The following RCOR3 variants were observed in gnomAD, a reference collection of about 807,000 sequenced individuals.
RCOR3 encodes REST corepressor 3.
RCOR3 carries 13 observed loss-of-function variants against 64.1 expected under a neutral mutation model. The ratio of observed to expected loss-of-function variants is 0.20; its 90% CI spans 0.13 to 0.32. RCOR3 has a LOEUF of 0.32. Ranked by LOEUF, RCOR3 falls within the 10% of genes least tolerant of loss-of-function variation. RCOR3 has a pLI of 1.00. For synonymous variants in RCOR3, 215 were observed against 239.0 expected, an observed-to-expected ratio of 0.90 and a Z score of 0.93; for missense variants, 489 against 701.2, an observed-to-expected ratio of 0.70 and a Z score of 3.42.
intron 8 of RCOR3, among the ~76,000 whole-genome samples, chr1:211,295,044 ATT>A (rs67407386): frequency 2.3e-5 from 1 of 44,388 alleles, no homozygotes; most frequent in African/African-American, 8.2e-5. Context: ...TGACCAGCTA[ATT>A]TTTTTTTTTT....
At chr1:211,307,125 A>G (rs766477303) in intron 10 of RCOR3, among the ~76,000 whole-genome samples, 29 of 152,190 alleles carry the variant, frequency 1.9e-4, no homozygotes, top group Non-Finnish European at 3.8e-4. Context: ...TTTCTAACCT[A>G]TAATGCTTTT....
intron 10 of RCOR3, among the ~76,000 whole-genome samples, chr1:211,305,347 TTTAG>T (rs1324154172): frequency 4.6e-5 from 7 of 152,290 alleles, no homozygotes; most frequent in East Asian, 3.9e-4. Context: ...CAAAACAAGG[TTTAG>T]TTAGTTCATA....
intron 7 of RCOR3, among the ~76,000 whole-genome samples, chr1:211,285,968 T>TA (rs1698465044): frequency 6.6e-6 from 1 of 152,222 alleles, no homozygotes; most frequent in South Asian, 2.1e-4. Flanking sequence ...TTTTATCTGT[T>TA]ATGTTGATAG....
chr1:211,270,263 ATG>A (rs1044009007), intron 2 of RCOR3, among the ~76,000 whole-genome samples: 74 of 152,096 alleles, frequency 4.9e-4, no homozygotes, highest in African/African-American at 1.6e-3. Flanking sequence ...GGATTTCACT[ATG>A]TAGGCCAGGC....
chr1:211,293,091 A>AAATG (rs1455888726), intron 8 of RCOR3, among the ~76,000 whole-genome samples: 4 of 139,608 alleles, frequency 2.9e-5, no homozygotes, highest in African/African-American at 5.1e-5. Context: ...CTCCAAAAAT[A>AAATG]AATAAATAAA....
chr1:211,292,656 C>T (rs554147777), intron 8 of RCOR3, among the ~76,000 whole-genome samples: 1 of 152,148 alleles, frequency 6.6e-6, no homozygotes, highest in Admixed American at 6.5e-5. Context: ...AAACTGAGTT[C>T]TTCCACACTC....
chr1:211,263,579 T>C (rs1694724780), intron 2 of RCOR3, among the ~76,000 whole-genome samples: 1 of 152,172 alleles, frequency 6.6e-6, no homozygotes, highest in East Asian at 1.9e-4. Context: ...CATTTAAACT[T>C]AGGAGGGCTT....
chr1:211,295,259 A>G (rs1699747957), intron 8 of RCOR3, among the ~76,000 whole-genome samples: 1 of 152,082 alleles, frequency 6.6e-6, no homozygotes, highest in African/African-American at 2.4e-5. Flanking sequence ...TATTACATAT[A>G]AAGGACTGAG....
intron 10 of RCOR3, among the ~76,000 whole-genome samples, chr1:211,311,004 A>G (rs1162994479): frequency 1.3e-5 from 2 of 152,190 alleles, no homozygotes; most frequent in East Asian, 3.8e-4. Flanking sequence ...GCAAACTCAA[A>G]TTTAGAATTT....
intron 9 of RCOR3, chr1:211,301,868 C>T (rs933470003): frequency 6.6e-6 from 1 of 152,070 alleles, no homozygotes; most frequent in African/African-American, 2.4e-5. Flanking sequence ...ATTAATGATA[C>T]CTTTCCCTCC....
chr1:211,259,505 G>T lies in RCOR3; in HGVS notation c.-56G>T. Reference sequence around the variant, plus strand: ...CCCGCCCGCGCTCTAAGCCATCTCCGCCTTCACCCTGACGCCTGCCTCTTC... The same window carrying T: ...CCCGCCCGCGCTCTAAGCCATCTCCTCCTTCACCCTGACGCCTGCCTCTTC... On this transcript the variant is annotated 5_prime_UTR_variant, in exon 1 of 12. Coordinates refer to ENST00000419091, the MANE Select transcript of RCOR3 (RefSeq NM_001136223.3). 2 of 1,504,112 alleles carry T rather than the reference G, an allele frequency of 1.3e-6. No individual in the cohort carries two copies. The highest frequency in any genetic ancestry group is 1.8e-6 in the Non-Finnish European group (2 of 1,122,594). The allele number at this position is 1,504,112 out of a possible 1,614,324, so 93.2% of individuals were successfully genotyped here. A position where few individuals can be genotyped will look rare whatever the true frequency, so the allele number is the denominator to read the frequency against.
At chr1:211,261,568 C>T (rs1195266422) in intron 2 of RCOR3, among the ~76,000 whole-genome samples, 1 of 152,138 alleles carries the variant, frequency 6.6e-6, no homozygotes, top group Non-Finnish European at 1.5e-5. Flanking sequence ...GGCACTTTCA[C>T]ACCACTCTGC....
chr1:211,261,835 C>T (rs1237392748), intron 2 of RCOR3, among the ~76,000 whole-genome samples: 2 of 137,372 alleles, frequency 1.5e-5, no homozygotes, highest in African/African-American at 5.4e-5. Context: ...GCAGGAGAAT[C>T]ATTGCTTGAA....
intron 8 of RCOR3, chr1:211,291,611 G>A: frequency 2.2e-6 from 1 of 455,900 alleles, no homozygotes; most frequent in South Asian, 1.6e-5. Context: ...TAAGAACCTT[G>A]CAACAGTATA....
chr1:211,299,061 A>G (rs1700123628), intron 9 of RCOR3, among the ~76,000 whole-genome samples: 1 of 152,128 alleles, frequency 6.6e-6, no homozygotes, highest in Admixed American at 6.6e-5. Flanking sequence ...AAATTAAGTC[A>G]AATGGAAAGA....
At chr1:211,264,685 A>G (rs531055591) in intron 2 of RCOR3, among the ~76,000 whole-genome samples, 1 of 152,304 alleles carries the variant, frequency 6.6e-6, no homozygotes, top group Non-Finnish European at 1.5e-5. Flanking sequence ...CTTGGTCTCA[A>G]AAAAAGAAAG....
intron 7 of RCOR3, among the ~76,000 whole-genome samples, chr1:211,280,626 T>C (rs980267507): frequency 2.0e-5 from 3 of 152,210 alleles, no homozygotes; most frequent in African/African-American, 4.8e-5. Context: ...CAGTTATCCT[T>C]TGTCTTTCGC....
chr1:211,292,070 A>G (rs1174990939), intron 8 of RCOR3, among the ~76,000 whole-genome samples: 1 of 152,194 alleles, frequency 6.6e-6, no homozygotes, highest in Non-Finnish European at 1.5e-5. Flanking sequence ...CAAGGTTTAC[A>G]GTAGAAAAAA....
At chr1:211,264,602 T>G (rs747348490) in intron 2 of RCOR3, among the ~76,000 whole-genome samples, 51 of 152,152 alleles carry the variant, frequency 3.4e-4, no homozygotes, top group Non-Finnish European at 6.3e-4. Flanking sequence ...GGAGATCACT[T>G]GAGTCCAGGA....
Sources: gnomAD v4.1 joint callset for allele counts (sites outside exome capture counted in the v4.1 genomes callset) on GRCh38, gnomAD v4.1.1 for gene constraint, MANE v1.5 for transcripts, NCBI Gene and HGNC (gene_info 2026-07-23, HGNC 2026-07-21) for gene names.